Variants in KAZN observed in about 807,000 individuals in gnomAD.
KAZN encodes kazrin, periplakin interacting protein.
A neutral mutation model predicts 87.4 loss-of-function variants in KAZN; 40 were observed. That is an observed-to-expected ratio of 0.46 (90% confidence interval 0.36 to 0.60). The LOEUF (loss-of-function observed/expected upper bound fraction) is 0.60. Ranked by LOEUF, KAZN falls within the 20% of genes least tolerant of loss-of-function variation. The probability of loss-of-function intolerance (pLI) is 0.00; values close to 1 mark genes in which losing one functional copy is unlikely to be tolerated. For missense variants in KAZN, 898 were observed against 1,073.9 expected, an observed-to-expected ratio of 0.84 and a Z score of 2.29; for synonymous variants, 466 against 458.3, an observed-to-expected ratio of 1.02 and a Z score of -0.22.
At chr1:14,015,586 T>G (rs1300077574) in intron 1 of KAZN, among the ~76,000 whole-genome samples, 1 of 140,854 alleles carries the variant, frequency 7.1e-6, no homozygotes, top group African/African-American at 2.6e-5. Context: ...GTTCAAGCAA[T>G]TCTCCTGCCT....
intron 2 of KAZN, among the ~76,000 whole-genome samples, chr1:14,375,003 G>C (rs1335992614): frequency 6.6e-6 from 1 of 152,120 alleles, no homozygotes; most frequent in Non-Finnish European, 1.5e-5. Flanking sequence ...CAGCCTTTTG[G>C]GGGCAGAGGC....
At chr1:14,697,375 T>C (rs1048197591) in intron 1 of KAZN, among the ~76,000 whole-genome samples, 1 of 151,868 alleles carries the variant, frequency 6.6e-6, no homozygotes, top group Non-Finnish European at 1.5e-5. Context: ...AAGAAAAGGA[T>C]GGAAGGGTCA....
chr1:15,017,104 C>T (rs1234954382), intron 2 of KAZN, among the ~76,000 whole-genome samples: 1 of 151,768 alleles, frequency 6.6e-6, no homozygotes, highest in East Asian at 2.0e-4. Context: ...TCAAGACCAG[C>T]CTGGCCAATA....
chr1:14,782,554 C>CA (rs71572122), intron 1 of KAZN, among the ~76,000 whole-genome samples: 3,059 of 66,142 alleles, frequency 0.046, 110 homozygotes, highest in African/African-American at 0.081. Context: ...CCTCAAAGAG[C>CA]AAAAAAAAAA....
At chr1:15,058,505 G>C (rs1163736598) in intron 5 of KAZN, among the ~76,000 whole-genome samples, 1 of 152,246 alleles carries the variant, frequency 6.6e-6, no homozygotes, top group Non-Finnish European at 1.5e-5. Context: ...TCTCCATCCA[G>C]TGCCAATGCC....
In KAZN at chr1:14,858,209, C is replaced by CT. The variant is rs762613728; in HGVS notation, c.227-102471dup. 6.7e-4 allele frequency among the ~76,000 whole-genome samples: 78 copies of CT among 115,912 alleles called. 6 individuals are homozygous for CT. Among genetic ancestry groups the CT allele is most frequent in the Middle Eastern group, 5.4e-3 (1 of 184 alleles). 76.0% of individuals were successfully genotyped at this position (115,912 alleles called of 152,430 possible). A position where few individuals can be genotyped will look rare whatever the true frequency, so the allele number is the denominator to read the frequency against. On this transcript the variant is annotated intron_variant, in intron 1 of 14. Transcript: ENST00000376030. ...CTTTCTTTTTTTCTTTTTTCTTTTT[C>CT]TTTTCTTTTTTTTTTTTTTTTGAGA...
intron 1 of KAZN, among the ~76,000 whole-genome samples, chr1:13,905,582 A>G (rs189440970): frequency 1.5e-3 from 225 of 152,330 alleles, no homozygotes; most frequent in Middle Eastern, 3.4e-3. Context: ...CCTCTAAGAT[A>G]GCTGGTGTGT....
rs1051831087 is a variant in KAZN at position 14,004,102 on chromosome 1, G to GC, written c.91+110349dup. ...CCTCCCAAAAGAGGATATCTAAACT[G>GC]CCCAAAAAAAAAGCAAATGTCCAAC... On this transcript the variant is annotated intron_variant, in intron 1 of 16. Transcript: ENST00000636203. Among the ~76,000 whole-genome samples the GC allele has an allele frequency of 4.6e-4, 52 of 112,652 alleles. No individual in the cohort carries two copies. The South Asian group carries it at 5.7e-3, about 12-fold the overall frequency. 73.9% of individuals were successfully genotyped at this position (112,652 alleles called of 152,430 possible). A position where few individuals can be genotyped will look rare whatever the true frequency, so the allele number is the denominator to read the frequency against.
intron 1 of KAZN, among the ~76,000 whole-genome samples, chr1:14,823,982 C>T (rs553730193): frequency 7.2e-5 from 11 of 152,112 alleles, no homozygotes; most frequent in Middle Eastern, 3.4e-3. Flanking sequence ...GGCATGCTGG[C>T]GCATGCCTGT....
At chr1:14,914,387 C>G (rs1264407291) in intron 1 of KAZN, among the ~76,000 whole-genome samples, 3 of 152,218 alleles carry the variant, frequency 2.0e-5, no homozygotes, top group Non-Finnish European at 4.4e-5. Flanking sequence ...CAACTAAACC[C>G]CCATCGGTGT....
At chr1:14,901,677 A>G (rs563178197) in intron 1 of KAZN, among the ~76,000 whole-genome samples, 2 of 152,136 alleles carry the variant, frequency 1.3e-5, no homozygotes, top group Non-Finnish European at 2.9e-5. Flanking sequence ...AACAGACAGG[A>G]TTTGCTAGCA....
chr1:14,233,944 G>A (rs1303609580), intron 2 of KAZN, among the ~76,000 whole-genome samples: 1 of 152,190 alleles, frequency 6.6e-6, no homozygotes, highest in African/African-American at 2.4e-5. Context: ...CTTTTACACT[G>A]TTAGTAGGAG....
At chr1:14,073,554 C>A (rs1643328800) in intron 1 of KAZN, among the ~76,000 whole-genome samples, 1 of 152,080 alleles carries the variant, frequency 6.6e-6, no homozygotes, top group South Asian at 2.1e-4. Context: ...TTCCCTAGCC[C>A]CCCACCCCCA....
At chr1:13,940,155 G>A (rs1223837946) in intron 1 of KAZN, among the ~76,000 whole-genome samples, 1 of 152,144 alleles carries the variant, frequency 6.6e-6, no homozygotes, top group African/African-American at 2.4e-5. Context: ...CATAGAATGA[G>A]TTAGGAGGAT....
chr1:15,058,537 C>T (rs918839001), intron 5 of KAZN, among the ~76,000 whole-genome samples: 4 of 152,214 alleles, frequency 2.6e-5, no homozygotes, highest in Non-Finnish European at 5.9e-5. Context: ...GAGCAACCTG[C>T]TGGGGACTTG....
intron 2 of KAZN, among the ~76,000 whole-genome samples, chr1:14,466,784 C>T (rs990085198): frequency 1.3e-4 from 20 of 151,794 alleles, no homozygotes; most frequent in Admixed American, 2.6e-4. Context: ...CTGGCTAACA[C>T]GGTGAAACCC....
At chr1:14,544,491 CAT>C (rs1377003577) in intron 2 of KAZN, among the ~76,000 whole-genome samples, 1 of 150,614 alleles carries the variant, frequency 6.6e-6, no homozygotes, top group Non-Finnish European at 1.5e-5. Context: ...AAAGGAGAAA[CAT>C]AGACTTCTTA....
At chr1:14,635,692 G>GTATA (rs1679922455) in intron 1 of KAZN, among the ~76,000 whole-genome samples, 1 of 152,182 alleles carries the variant, frequency 6.6e-6, no homozygotes, top group African/African-American at 2.4e-5. Context: ...CGTGCTTCAG[G>GTATA]TATAGCGATC....
At chr1:14,099,849 T>C (rs72862534) in intron 1 of KAZN, among the ~76,000 whole-genome samples, 14,108 of 152,232 alleles carry the variant, frequency 0.093, 2,078 homozygotes, top group African/African-American at 0.31. Context: ...CTTCTTTATA[T>C]CTGATCTGGC....
Sources: allele counts gnomAD v4.1 joint callset (sites outside exome capture counted in the v4.1 genomes callset), GRCh38; gene constraint gnomAD v4.1.1; transcripts MANE v1.5; gene names NCBI Gene and HGNC (gene_info 2026-07-23, HGNC 2026-07-21).